DENND2D: variants seen among roughly 807,000 people sequenced by gnomAD.
The protein encoded by DENND2D is DENN domain-containing protein 2D.
DENND2D carries 37 observed loss-of-function variants against 59.8 expected under a neutral mutation model. That is an observed-to-expected ratio of 0.62 (90% CI 0.48 to 0.81). DENND2D has a LOEUF of 0.81. Among genes scored for constraint, DENND2D ranks in the 40% least tolerant of loss-of-function variants. DENND2D has a pLI of 0.00. For missense variants in DENND2D, 525 were observed against 579.7 expected (o/e 0.91, Z 0.97); for synonymous variants, 219 against 211.3 (o/e 1.04, Z -0.31).
chr1:111,199,841 C>A, intron 1 of DENND2D, 43 bp from the exon 2 acceptor site: 1 of 1,589,302 alleles, frequency 6.3e-7, no homozygotes, highest in Non-Finnish European at 8.6e-7. Context: ...CTCATTGATC[C>A]ATTCCTGGAG....
At chr1:111,201,254 A>C (rs1433185952), upstream of DENND2D, 1 of 152,220 alleles carries the variant, frequency 6.6e-6, no homozygotes, top group Non-Finnish European at 1.5e-5. Context: ...AGTTCGTGAT[A>C]TTTTGGAAAT....
At chr1:111,200,348 A>C in intron 1 of DENND2D, 45 bp downstream of exon 1, 1 of 1,595,384 alleles carries the variant, frequency 6.3e-7, no homozygotes, top group Non-Finnish European at 8.5e-7. Context: ...GTCCCGCCTA[A>C]GAGGGTCACC....
chr1:111,187,751 A>C lies in DENND2D; in HGVS notation c.1340-70T>G. 7 of 1,259,572 alleles carry C rather than the reference A, an allele frequency of 5.6e-6. 1 individual carries two copies. The South Asian group carries it at 8.6e-5, about 15-fold the overall frequency. 78.0% of individuals were successfully genotyped at this position (1,259,572 alleles called of 1,614,324 possible). On this transcript the variant is annotated intron_variant, in intron 11 of 11. Transcript: ENST00000357640. ...GCAGATTATAATGAGCTCAGGAATA[A>C]GGATCAGAAATATCCTGTCTGCTCC...
At chr1:111,197,466 C>A in intron 4 of DENND2D, 1 of 1,419,886 alleles carries the variant, frequency 7.0e-7, no homozygotes, top group Non-Finnish European at 9.2e-7. Context: ...ACCTTCAGTG[C>A]CAGCACAATC....
At chr1:111,201,447 T>C (rs890044124), upstream of DENND2D, 4 of 152,252 alleles carry the variant, frequency 2.6e-5, no homozygotes, top group Admixed American at 2.6e-4. Flanking sequence ...AACATCTGGG[T>C]GATCTCCACC....
chr1:111,199,563 C>A, intron 2 of DENND2D, 60 bp downstream of exon 2: 1 of 1,552,010 alleles, frequency 6.4e-7, no homozygotes, highest in South Asian at 1.2e-5. Context: ...AACCCCCACC[C>A]CTACCACCTT....
At chr1:111,204,450 G>T (rs946958888), upstream of DENND2D, 2 of 1,229,784 alleles carry the variant, frequency 1.6e-6, no homozygotes, top group South Asian at 4.2e-5. Context: ...TTTCACGCGG[G>T]GGGAGGCCTA....
upstream of DENND2D, chr1:111,204,125 C>T (rs1659081486): frequency 5.0e-6 from 3 of 601,480 alleles, no homozygotes; most frequent in Non-Finnish European, 7.6e-6. Flanking sequence ...TTCCCCTCTC[C>T]GCGCGCTCCT....
intron 5 of DENND2D, 140 bp downstream of exon 5, chr1:111,197,036 G>C: frequency 1.1e-6 from 1 of 949,206 alleles, no homozygotes; most frequent in Non-Finnish European, 1.6e-6. Flanking sequence ...ATGCCCCTTT[G>C]CCTCAGTTTT....
At chr1:111,199,217 GCCCACCAGTTACAAGGCTGC>G (rs956465307) in intron 2 of DENND2D, among the ~76,000 whole-genome samples, 1 of 152,108 alleles carries the variant, frequency 6.6e-6, no homozygotes, top group Admixed American at 6.5e-5. Context: ...GGCTGTGCCT[GCCCACCAGTTACAAGGCTGC>G]CCCACTCTTT....
In DENND2D at chr1:111,199,670, G is replaced by A. The variant is rs751854932; in HGVS notation, c.196C>T (p.Arg66Cys). 24 of 1,613,940 alleles carry A rather than the reference G, an allele frequency of 1.5e-5. No homozygotes were observed. Among genetic ancestry groups the A allele is most frequent in the African/African-American group, 6.7e-5 (5 of 74,880 alleles). ...ATAGGCTCGTAATCATCCTCTGAAC[G>A]CTTCTTTTTGAGAGAAACCACAAGA... ...YLLVVSLKKKRSEDDYEPIIT... is the reference protein window; with the variant it reads ...YLLVVSLKKKCSEDDYEPIIT... Residue 66 changes from arginine (R) to cysteine (C), a missense_variant, in exon 2 of 12, where the codon CGT becomes TGT. By Grantham distance (180) the Arg-to-Cys change is radical (BLOSUM62 -3). Transcript: ENST00000357640.
At chr1:111,194,493 A>G in intron 7 of DENND2D, 85 bp downstream of exon 7, 3 of 1,521,478 alleles carry the variant, frequency 2.0e-6, no homozygotes, top group Non-Finnish European at 8.9e-7. Context: ...CCTACAGCCC[A>G]TTTTCCTTGG....
intron 10 of DENND2D, 48 bp from the exon 11 acceptor site, chr1:111,188,418 T>C (rs1285093582): frequency 6.3e-7 from 1 of 1,595,938 alleles, no homozygotes; most frequent in Non-Finnish European, 8.5e-7. Flanking sequence ...AAGGATGAAA[T>C]TACCCAAACT....
At chr1:111,197,729 A>G (rs1658382430) in intron 4 of DENND2D, 191 bp downstream of exon 4, 1 of 1,423,500 alleles carries the variant, frequency 7.0e-7, no homozygotes, top group African/African-American at 1.4e-5. Flanking sequence ...GCAGCGGGAG[A>G]AGGGGCATCA....
In DENND2D at chr1:111,187,596, C is replaced by T. The variant is rs747096109; in HGVS notation, c.*9G>A. 6.2e-7 allele frequency: 1 copy of T among 1,610,632 alleles called. No homozygotes were observed. The highest frequency in any genetic ancestry group is 1.7e-5 in the Admixed American group (1 of 60,004). Reference sequence around the variant, plus strand: ...GTGTAGCTCTAGTCATTCTTATTCACCACAGCTCTTATTTCACAGTTTTTT... The same window carrying T: ...GTGTAGCTCTAGTCATTCTTATTCATCACAGCTCTTATTTCACAGTTTTTT... On this transcript the variant is annotated 3_prime_UTR_variant, in exon 12 of 12. Transcript: ENST00000357640.
chr1:111,186,133 A>C lies in DENND2D; in HGVS notation c.*1472T>G, dbSNP rs1435837303. On this transcript the variant is annotated 3_prime_UTR_variant, in exon 12 of 12. Coordinates refer to ENST00000357640, the MANE Select transcript of DENND2D (RefSeq NM_024901.5). The stretch of plus-strand genomic sequence containing the variant: ...ATAAACCTCAGCAAACCTTACCTGA[A>C]GAACCTTTTAAGAAAGTACAGATTT... Among the ~76,000 whole-genome samples the C allele has an allele frequency of 2.0e-5, 3 of 152,250 alleles. No homozygotes were observed. The highest frequency in any genetic ancestry group is 1.5e-5 in the Non-Finnish European group (1 of 68,050).
chr1:111,188,264 G>A lies in DENND2D; in HGVS notation c.1206C>T (p.Gly402=), dbSNP rs777706532. 2 of 1,614,204 alleles carry A rather than the reference G, an allele frequency of 1.2e-6. No homozygotes were observed. Among genetic ancestry groups the A allele is most frequent in the Non-Finnish European group, 1.7e-6 (2 of 1,180,046 alleles). Residue 402 remains glycine, a synonymous_variant, in exon 11 of 12, where the codon GGC becomes GGT. Transcript: ENST00000357640. ...SYIKREANGQ[G]HFQERSFCKA... ...TACAGAAGGATCTTTCTTGGAAGTGGCCTTGCCCATTTGCCTCCCGCTTGA... is the reference window on the plus strand; with the variant it reads ...TACAGAAGGATCTTTCTTGGAAGTGACCTTGCCCATTTGCCTCCCGCTTGA...
At chr1:111,188,645 T>G (rs1657447273) in intron 10 of DENND2D, 57 bp downstream of exon 10, 5 of 1,472,154 alleles carry the variant, frequency 3.4e-6, no homozygotes, top group Non-Finnish European at 4.7e-6. Context: ...AAGGGAATGA[T>G]TGAGAAGCAT....
Position 111,197,179 on chromosome 1 carries a change from G to A in DENND2D, c.501C>T (p.Ser167=), listed in dbSNP as rs1658319462. The A allele has an allele frequency of 6.2e-7, 1 of 1,613,006 alleles. No homozygotes were observed. The highest frequency in any genetic ancestry group is 8.5e-7 in the Non-Finnish European group (1 of 1,179,716). ...ISCIGCFGLF[S]KILDEVEKRH... ...CCCTGAGGAATCCTATCCCTACCTT[G>A]GAGAACAAGCCGAAGCAGCCGATGC... Residue 167 remains serine, a synonymous_variant, in exon 5 of 12, where the codon TCC becomes TCT. Coordinates refer to ENST00000357640, the MANE Select transcript of DENND2D (RefSeq NM_024901.5).
Sources: gnomAD v4.1 joint callset for allele counts (sites outside exome capture counted in the v4.1 genomes callset) on GRCh38, gnomAD v4.1.1 for gene constraint, MANE v1.5 for transcripts, NCBI Gene and HGNC (gene_info 2026-07-23, HGNC 2026-07-21) for gene names.